Variants in MLANA observed in about 807,000 individuals in gnomAD.
MLANA encodes the protein melanoma antigen recognized by T-cells 1.
A neutral mutation model predicts 15.7 loss-of-function variants in MLANA; 21 were observed. The ratio of observed to expected loss-of-function variants is 1.33; its 90% CI spans 0.95 to 1.92. MLANA has a LOEUF of 1.92. Ranked by LOEUF, MLANA falls within the 40% of genes most tolerant of loss-of-function variation. The pLI is 0.00. For missense variants in MLANA, 164 were observed against 143.8 expected (o/e 1.14, Z -0.72); for synonymous variants, 56 against 51.5 (o/e 1.09, Z -0.37).
chr9:5,895,844 C>T (rs1230645962), intron 2 of MLANA, among the ~76,000 whole-genome samples: 1 of 152,238 alleles, frequency 6.6e-6, no homozygotes, highest in Non-Finnish European at 1.5e-5. Context: ...TGGTGCTTTT[C>T]GCTCTCAGTT....
chr9:5,895,397 A>G (rs955918641), intron 2 of MLANA, among the ~76,000 whole-genome samples: 7 of 149,490 alleles, frequency 4.7e-5, no homozygotes, highest in Non-Finnish European at 3.0e-5. Flanking sequence ...TTTTTTTTTT[A>G]ATTTTTTTGC....
chr9:5,895,586 T>C (rs10975339), intron 2 of MLANA, among the ~76,000 whole-genome samples: 78,754 of 152,022 alleles, frequency 0.52, 22,931 homozygotes, highest in Non-Finnish European at 0.67. Context: ...ATTATGTATC[T>C]CTTTGAAACC....
rs564737703 is a variant in MLANA, at chr9:5,894,005, T to C, written c.77+1454T>C. On this transcript the variant is annotated intron_variant, in intron 2 of 4. Transcript: ENST00000381477. This position sits in a 1 kb window ranked among gnomAD's most constrained non-coding sequence, Gnocchi z 4.0. ...AAATTAGGAAATGTGTGGCCAGACA[T>C]GGTGGCGCTGGGATTTAAATCCAGG... 1.3e-5 allele frequency among the ~76,000 whole-genome samples: 2 copies of C among 150,416 alleles called. No individual in the cohort carries two copies. The highest frequency in any genetic ancestry group is 2.4e-5 in the African/African-American group (1 of 40,910).
At chr9:5,904,519 C>A (rs549603567) in intron 3 of MLANA, among the ~76,000 whole-genome samples, 1 of 152,200 alleles carries the variant, frequency 6.6e-6, no homozygotes, top group African/African-American at 2.4e-5. Context: ...GTCGCCCAGG[C>A]TGGAGTGCAG....
chr9:5,891,457 T>C (rs1182573464), intron 1 of MLANA, among the ~76,000 whole-genome samples: 2 of 152,208 alleles, frequency 1.3e-5, no homozygotes, highest in East Asian at 1.9e-4. Flanking sequence ...ACACATAAAA[T>C]GTCCCAGTGG....
chr9:5,908,778 A>G lies in MLANA; in HGVS notation c.*70A>G. ...ACTTTTGCTTGAATTTAATACAGAC[A>G]TCTAATGTTCTCCTTTGGAATGGTG... On this transcript the variant is annotated 3_prime_UTR_variant, in exon 5 of 5. Coordinates refer to ENST00000381477, the MANE Select transcript of MLANA (RefSeq NM_005511.2). 2.1e-6 allele frequency: 3 copies of G among 1,415,304 alleles called. No individual in the cohort carries two copies. In the South Asian group the frequency reaches 3.5e-5, roughly 16 times the overall value. 87.7% of individuals were successfully genotyped at this position (1,415,304 alleles called of 1,614,324 possible).
intron 4 of MLANA, among the ~76,000 whole-genome samples, chr9:5,908,298 C>G (rs1372780268): frequency 6.6e-6 from 1 of 152,142 alleles, no homozygotes; most frequent in African/African-American, 2.4e-5. Context: ...TTACAACGAT[C>G]TCTGTGGTAA....
intron 2 of MLANA, 34 bp downstream of exon 2, chr9:5,892,585 G>A (rs745996269): frequency 1.9e-6 from 3 of 1,591,124 alleles, no homozygotes; most frequent in East Asian, 2.2e-5. Flanking sequence ...AGGGCTTCCA[G>A]TTTGCCGTTT....
chr9:5,903,713 G>T (rs774113219), intron 3 of MLANA, among the ~76,000 whole-genome samples: 2 of 152,100 alleles, frequency 1.3e-5, no homozygotes, highest in Admixed American at 1.3e-4. Context: ...GTGTTCTTAT[G>T]TCTTCTTGGA....
In MLANA at chr9:5,907,902, G is replaced by A. The variant is rs531654003; in HGVS notation, c.289-738G>A. Among the ~76,000 whole-genome samples the A allele has an allele frequency of 8.5e-5, 13 of 152,310 alleles. No individual in the cohort carries two copies. The East Asian group carries it at 1.2e-3, about 14-fold the overall frequency. ...CGGGAGGTGGAGGTTGCAGTGAGCC[G>A]AGATAGTGCCACTGCACTCCAGCCT... On this transcript the variant is annotated intron_variant, in intron 4 of 4. Transcript: ENST00000381477.
Position 5,910,178 on chromosome 9 carries a change from A to G in MLANA, c.*1470A>G, listed in dbSNP as rs878927409. ...ACTGGAAGGCTTACAAGAGTTTTAA[A>G]GAAATTACTTTCTCACTATATGATT... On this transcript the variant is annotated 3_prime_UTR_variant, in exon 5 of 5. Coordinates refer to ENST00000381477, the MANE Select transcript of MLANA (RefSeq NM_005511.2). 6.6e-6 allele frequency: 1 copy of G among 152,330 alleles called. No homozygotes were observed. The highest frequency in any genetic ancestry group is 2.1e-4 in the South Asian group (1 of 4,824). The allele number at this position is 152,330 out of a possible 1,614,324, so 9.4% of individuals were successfully genotyped here. A position where few individuals can be genotyped will look rare whatever the true frequency, so the allele number is the denominator to read the frequency against.
At chr9:5,905,259 T>A (rs543038491) in intron 3 of MLANA, among the ~76,000 whole-genome samples, 1 of 152,286 alleles carries the variant, frequency 6.6e-6, no homozygotes, top group Non-Finnish European at 1.5e-5. Context: ...AACAACTGAA[T>A]GGACCCCCTC....
At chr9:5,906,710 T>A (rs908866994) in intron 3 of MLANA, among the ~76,000 whole-genome samples, 175 bp from the exon 4 acceptor site, 2 of 152,372 alleles carry the variant, frequency 1.3e-5, no homozygotes, top group Non-Finnish European at 1.5e-5. Flanking sequence ...GGTATTATAT[T>A]CCTAGATGCA....
Position 5,910,378 on chromosome 9 carries a change from CAAAATATT to C in MLANA, c.*1679_*1686del, listed in dbSNP as rs1833092693. The C allele has an allele frequency of 6.6e-6, 1 of 152,184 alleles. No individual in the cohort carries two copies. The highest frequency in any genetic ancestry group is 1.5e-5 in the Non-Finnish European group (1 of 68,022). 9.4% of individuals were successfully genotyped at this position (152,184 alleles called of 1,614,324 possible). On this transcript the variant is annotated 3_prime_UTR_variant, in exon 5 of 5. Coordinates refer to ENST00000381477, the MANE Select transcript of MLANA (RefSeq NM_005511.2). ...ACACATCGAAAAAAACAACATTTAA[CAAAATATT>C]AAAATATTTCCCCACTCTTCTGATA...
At chr9:5,896,698 T>A (rs893138917) in intron 2 of MLANA, among the ~76,000 whole-genome samples, 1 of 152,226 alleles carries the variant, frequency 6.6e-6, no homozygotes, top group Non-Finnish European at 1.5e-5. Flanking sequence ...TGATGATGCT[T>A]GCCCGGAGTG....
chr9:5,892,363 A>T, intron 1 of MLANA, 87 bp from the exon 2 acceptor site: 4 of 866,520 alleles, frequency 4.6e-6, no homozygotes, highest in Non-Finnish European at 7.0e-6. Flanking sequence ...TTGGTCACCT[A>T]GTGAGGATGC....
intron 3 of MLANA, 21 bp from the exon 4 acceptor site, chr9:5,906,864 C>CT: frequency 6.7e-7 from 1 of 1,485,048 alleles, no homozygotes; most frequent in Admixed American, 2.3e-5. Context: ...ACCCACTCAC[C>CT]TTTATCAATT....
rs1430240031 is a variant in MLANA, at chr9:5,910,081, C to A, written c.*1373C>A. On this transcript the variant is annotated 3_prime_UTR_variant, in exon 5 of 5. Coordinates refer to ENST00000381477, the MANE Select transcript of MLANA (RefSeq NM_005511.2). ...CTAATGGTCACAGAAGGCTATGAAC[C>A]TGAGACCTGCTCTCTTTGTCAAACA... 1 of 152,152 alleles carries A rather than the reference C, an allele frequency of 6.6e-6. No individual in the cohort carries two copies. The highest frequency in any genetic ancestry group is 1.5e-5 in the Non-Finnish European group (1 of 68,034). 9.4% of individuals were successfully genotyped at this position (152,152 alleles called of 1,614,324 possible). A position where few individuals can be genotyped will look rare whatever the true frequency, so the allele number is the denominator to read the frequency against.
At chr9:5,893,136 C>G (rs1369566759) in intron 2 of MLANA, among the ~76,000 whole-genome samples, 1 of 152,176 alleles carries the variant, frequency 6.6e-6, no homozygotes. Context: ...TGGCGTGAGA[C>G]ACTGTTTTTA....
Sources: gnomAD v4.1 joint callset for allele counts (sites outside exome capture counted in the v4.1 genomes callset) on GRCh38, gnomAD v4.1.1 for gene constraint, Gnocchi (gnomAD v3.1) non-coding constraint, MANE v1.5 for transcripts, NCBI Gene and HGNC (gene_info 2026-07-23, HGNC 2026-07-21) for gene names.